FHIT: variants seen among roughly 807,000 people sequenced by gnomAD.
FHIT encodes the protein fragile histidine triad diadenosine triphosphatase, also known as bis(5'-adenosyl)-triphosphatase.
Under a neutral mutation model 17.9 loss-of-function variants are expected in FHIT, and 19 were observed. The ratio of observed to expected loss-of-function variants is 1.06; its 90% CI spans 0.74 to 1.56. The LOEUF is 1.56. Among genes scored for constraint, FHIT ranks in the 40% most tolerant of loss-of-function variants. The pLI is 0.00. For synonymous variants in FHIT, 81 were observed against 69.7 expected, an observed-to-expected ratio of 1.16 and a Z score of -0.81; for missense variants, 248 against 189.2, an observed-to-expected ratio of 1.31 and a Z score of -1.82.
intron 8 of FHIT, among the ~76,000 whole-genome samples, chr3:59,919,334 T>C (rs893539744): frequency 2.6e-5 from 4 of 152,194 alleles, no homozygotes; most frequent in Non-Finnish European, 5.9e-5. Flanking sequence ...CCCGTTATTA[T>C]GGAGAGCTAA....
chr3:59,938,934 G>A (rs1706373985), intron 7 of FHIT, among the ~76,000 whole-genome samples: 1 of 152,124 alleles, frequency 6.6e-6, no homozygotes, highest in Admixed American at 6.6e-5. Flanking sequence ...TAGAATGATG[G>A]TGCTGGGAGC....
intron 5 of FHIT, among the ~76,000 whole-genome samples, chr3:60,026,652 A>T (rs979567377): frequency 2.6e-5 from 4 of 152,230 alleles, no homozygotes; most frequent in Non-Finnish European, 4.4e-5. Context: ...GTTGCTAACA[A>T]TAAAAAAAAT....
At chr3:60,313,689 A>C (rs1709045589) in intron 5 of FHIT, among the ~76,000 whole-genome samples, 1 of 151,712 alleles carries the variant, frequency 6.6e-6, no homozygotes, top group African/African-American at 2.4e-5. Flanking sequence ...AAATGACTGC[A>C]TAAATCCTTT....
chr3:60,128,803 C>G (rs1283137316), intron 5 of FHIT, among the ~76,000 whole-genome samples: 1 of 152,150 alleles, frequency 6.6e-6, no homozygotes, highest in South Asian at 2.1e-4. Context: ...CACAGGTGAA[C>G]AGATAAGGCT....
chr3:60,084,826 G>A (rs1239348989), intron 5 of FHIT, among the ~76,000 whole-genome samples: 1 of 151,926 alleles, frequency 6.6e-6, no homozygotes, highest in Non-Finnish European at 1.5e-5. Flanking sequence ...GTCTTCCTTG[G>A]CTTTCTACAT....
At chr3:60,907,296 A>G (rs954986382) in intron 3 of FHIT, among the ~76,000 whole-genome samples, 2 of 152,218 alleles carry the variant, frequency 1.3e-5, no homozygotes, top group East Asian at 3.9e-4. Context: ...ACAATGAGGA[A>G]CAATTGGACA....
At chr3:60,156,865 C>T (rs1272223929) in intron 5 of FHIT, among the ~76,000 whole-genome samples, 2 of 152,012 alleles carry the variant, frequency 1.3e-5, no homozygotes, top group African/African-American at 4.8e-5. Context: ...CTCTTGGCAA[C>T]AAAAGTAATG....
intron 5 of FHIT, among the ~76,000 whole-genome samples, chr3:60,430,974 G>C (rs1702869571): frequency 1.3e-5 from 2 of 152,098 alleles, no homozygotes; most frequent in African/African-American, 2.4e-5. Context: ...CACTTTGGGA[G>C]GCCAAAGTGG....
At chr3:60,291,333 G>A (rs1438091274) in intron 5 of FHIT, among the ~76,000 whole-genome samples, 2 of 152,104 alleles carry the variant, frequency 1.3e-5, no homozygotes, top group African/African-American at 4.8e-5. Flanking sequence ...GTTAGGACTA[G>A]GTTTGCCATT....
At chr3:60,949,102 G>A (rs1708764438) in intron 3 of FHIT, among the ~76,000 whole-genome samples, 1 of 152,124 alleles carries the variant, frequency 6.6e-6, no homozygotes, top group African/African-American at 2.4e-5. Flanking sequence ...GACACTTAAA[G>A]CCCTATTACA....
chr3:60,219,331 T>A (rs77246731), intron 5 of FHIT, among the ~76,000 whole-genome samples: 2,093 of 152,248 alleles, frequency 0.014, 53 homozygotes, highest in African/African-American at 0.047. Flanking sequence ...AATAGCCCTA[T>A]ACTTTGTTCA....
At chr3:60,071,411 T>A (rs2630199) in intron 5 of FHIT, among the ~76,000 whole-genome samples, 48,815 of 152,054 alleles carry the variant, frequency 0.32, 8,808 homozygotes, top group African/African-American at 0.48. Flanking sequence ...TTGCATCATA[T>A]TTCTACCGGG....
chr3:60,210,087 CAAAAACAAAAACCAA>C (rs1351042512), intron 5 of FHIT, among the ~76,000 whole-genome samples: 1 of 151,936 alleles, frequency 6.6e-6, no homozygotes, highest in East Asian at 1.9e-4. Flanking sequence ...CCAAAAAACA[CAAAAACAAAAACCAA>C]AAAAAAGTTT....
At chr3:60,096,480 G>T (rs1043595842) in intron 5 of FHIT, among the ~76,000 whole-genome samples, 1 of 152,190 alleles carries the variant, frequency 6.6e-6, no homozygotes, top group Non-Finnish European at 1.5e-5. Context: ...ACTCTGGGTC[G>T]CAGGTTTCAT....
intron 5 of FHIT, among the ~76,000 whole-genome samples, chr3:60,023,452 T>C (rs1447017248): frequency 6.6e-6 from 1 of 152,162 alleles, no homozygotes; most frequent in African/African-American, 2.4e-5. Context: ...ATAGACAGGA[T>C]TCTTCCAGTG....
intron 4 of FHIT, among the ~76,000 whole-genome samples, chr3:60,539,405 A>G (rs1019825620): frequency 2.6e-5 from 4 of 152,186 alleles, no homozygotes; most frequent in African/African-American, 9.7e-5. Context: ...GGGATCTAGA[A>G]CTAGAAATAC....
At chr3:61,152,784 G>T (rs1560023887) in intron 2 of FHIT, among the ~76,000 whole-genome samples, 1 of 152,184 alleles carries the variant, frequency 6.6e-6, no homozygotes, top group Non-Finnish European at 1.5e-5. Flanking sequence ...ATGAGAAATG[G>T]ATTGGAGGTA....
chr3:61,215,800 T>A (rs1278893995), intron 1 of FHIT, among the ~76,000 whole-genome samples: 1 of 152,156 alleles, frequency 6.6e-6, no homozygotes, highest in Non-Finnish European at 1.5e-5. Flanking sequence ...AACAGAGATA[T>A]AGATCAATGG....
chr3:60,745,191 C>T (rs782382616), intron 4 of FHIT, among the ~76,000 whole-genome samples: 1 of 152,180 alleles, frequency 6.6e-6, no homozygotes, highest in Non-Finnish European at 1.5e-5. Flanking sequence ...TATTTTGGTA[C>T]TAGGAGGCTC....
Sources: allele counts gnomAD v4.1 joint callset (sites outside exome capture counted in the v4.1 genomes callset), GRCh38; gene constraint gnomAD v4.1.1; transcripts MANE v1.5; gene names NCBI Gene and HGNC (gene_info 2026-07-23, HGNC 2026-07-21).